Variants in PTPRG observed in about 807,000 individuals in gnomAD.
The protein encoded by PTPRG is protein tyrosine phosphatase receptor type G, also known as receptor-type tyrosine-protein phosphatase gamma.
PTPRG carries 102 observed loss-of-function variants against 165.3 expected under a neutral mutation model. The observed-to-expected ratio is 0.62, with a 90% confidence interval of 0.53 to 0.73. The LOEUF is 0.73. PTPRG is among the 30% of genes least tolerant of loss of function. The pLI, the probability that PTPRG is intolerant of heterozygous loss-of-function variation, is 0.00. For missense variants in PTPRG, 1,866 were observed against 1,861.4 expected, an observed-to-expected ratio of 1.00 and a Z score of -0.05; for synonymous variants, 675 against 669.5, an observed-to-expected ratio of 1.01 and a Z score of -0.13.
At chr3:61,875,657 G>GGC (rs934896720) in intron 2 of PTPRG, among the ~76,000 whole-genome samples, 204 of 151,816 alleles carry the variant, frequency 1.3e-3, no homozygotes, top group African/African-American at 4.4e-3. Flanking sequence ...ACACACACAC[G>GGC]GCACACACAC....
chr3:61,571,940 T>G (rs1700066598), intron 1 of PTPRG, among the ~76,000 whole-genome samples: 1 of 152,192 alleles, frequency 6.6e-6, no homozygotes, highest in African/African-American at 2.4e-5. Context: ...TCTTTCGGGT[T>G]GTTTGCCTCA....
Position 62,263,144 on chromosome 3 carries a change from T to C in PTPRG, c.2656+250T>C, listed in dbSNP as rs186564327. ...AAAGAAAATGTTTGGAGCTTCGCTATTTTCACATGAAGTGATGTCATATCA... is the reference window on the plus strand; with the variant it reads ...AAAGAAAATGTTTGGAGCTTCGCTACTTTCACATGAAGTGATGTCATATCA... On this transcript the variant is annotated intron_variant, in intron 17 of 29. Transcript: ENST00000474889. 1.6e-3 allele frequency: 618 copies of C among 387,896 alleles called. 2 individuals are homozygous for C. Among genetic ancestry groups the C allele is most frequent in the African/African-American group, 0.012 (573 of 47,812 alleles). The allele number at this position is 387,896 out of a possible 1,614,324, so 24.0% of individuals were successfully genotyped here. A position where few individuals can be genotyped will look rare whatever the true frequency, so the allele number is the denominator to read the frequency against.
At chr3:61,706,876 C>T (rs544780632) in intron 1 of PTPRG, among the ~76,000 whole-genome samples, 2 of 152,120 alleles carry the variant, frequency 1.3e-5, no homozygotes, top group African/African-American at 4.8e-5. Context: ...ATGAAACATG[C>T]TTAACCTACC....
chr3:62,170,658 GGTTT>G (rs1461999599), intron 8 of PTPRG, among the ~76,000 whole-genome samples: 3 of 152,050 alleles, frequency 2.0e-5, no homozygotes, highest in Non-Finnish European at 4.4e-5. Context: ...CATTCTACTA[GGTTT>G]GTTTGAATTA....
chr3:62,035,131 C>A (rs556118014), intron 4 of PTPRG, among the ~76,000 whole-genome samples: 2 of 152,024 alleles, frequency 1.3e-5, no homozygotes, highest in African/African-American at 4.8e-5. Context: ...ATCTGAACAC[C>A]GAGTCTCTGT....
chr3:61,565,900 TCAG>T (rs1400960588), intron 1 of PTPRG, among the ~76,000 whole-genome samples: 1 of 152,092 alleles, frequency 6.6e-6, no homozygotes, highest in Non-Finnish European at 1.5e-5. Context: ...TATTTGGAAA[TCAG>T]CAATCTTTCT....
chr3:62,043,445 A>G (rs1055186312), intron 4 of PTPRG, among the ~76,000 whole-genome samples: 1 of 152,166 alleles, frequency 6.6e-6, no homozygotes. Flanking sequence ...CTGCCTTGGG[A>G]TAATGCAATT....
chr3:62,196,369 C>T (rs1576122834), intron 10 of PTPRG, among the ~76,000 whole-genome samples: 2 of 152,096 alleles, frequency 1.3e-5, no homozygotes, highest in African/African-American at 2.4e-5. Flanking sequence ...TGCCACTGCA[C>T]TCCAGGCTGG....
chr3:62,209,255 TG>T (rs1239077730), intron 12 of PTPRG, among the ~76,000 whole-genome samples: 1 of 152,190 alleles, frequency 6.6e-6, no homozygotes, highest in Non-Finnish European at 1.5e-5. Context: ...TGGTGTCTCG[TG>T]GGTAGAGGCC....
intron 2 of PTPRG, among the ~76,000 whole-genome samples, chr3:61,886,048 G>T (rs377604200): frequency 6.6e-6 from 1 of 151,768 alleles, no homozygotes; most frequent in Non-Finnish European, 1.5e-5. Context: ...AGGACAACTC[G>T]AGCACCACCC....
intron 1 of PTPRG, among the ~76,000 whole-genome samples, chr3:61,697,999 T>C (rs2030709857): frequency 6.6e-6 from 1 of 152,202 alleles, no homozygotes; most frequent in Non-Finnish European, 1.5e-5. Flanking sequence ...CATATTCTTT[T>C]ATCCTGTAAT....
chr3:61,973,700 T>C (rs1003080851), intron 2 of PTPRG, among the ~76,000 whole-genome samples: 1 of 151,882 alleles, frequency 6.6e-6, no homozygotes, highest in African/African-American at 2.4e-5. Flanking sequence ...GGCGTGGTGG[T>C]GGGCGCCTAT....
chr3:61,582,750 C>T (rs528662271), intron 1 of PTPRG, among the ~76,000 whole-genome samples: 6 of 152,274 alleles, frequency 3.9e-5, no homozygotes, highest in African/African-American at 1.2e-4. Context: ...TAGGGAGTTT[C>T]CTCTTGTACA....
At chr3:62,034,939 C>T (rs1575918231) in intron 4 of PTPRG, among the ~76,000 whole-genome samples, 1 of 152,204 alleles carries the variant, frequency 6.6e-6, no homozygotes, top group East Asian at 1.9e-4. Context: ...GTCCGTGGCT[C>T]CTTCTTGGGG....
At chr3:61,930,667 T>C (rs77821019) in intron 2 of PTPRG, among the ~76,000 whole-genome samples, 234 of 152,336 alleles carry the variant, frequency 1.5e-3, no homozygotes, top group Non-Finnish European at 2.4e-3. Context: ...TCAAGCGTCA[T>C]TGTGGCATCC....
intron 6 of PTPRG, among the ~76,000 whole-genome samples, chr3:62,134,968 T>G (rs182583507): frequency 1.3e-5 from 2 of 152,268 alleles, no homozygotes; most frequent in East Asian, 3.9e-4. Flanking sequence ...AGAAATAGTT[T>G]TTTAAAAAAA....
Position 62,275,918 on chromosome 3 carries a change from C to A in PTPRG, c.3511C>A (p.Gln1171Lys). 2 of 1,611,776 alleles carry A rather than the reference C, an allele frequency of 1.2e-6. No homozygotes were observed. The highest frequency in any genetic ancestry group is 2.2e-5 in the South Asian group (2 of 90,762). The change falls in exon 24 of 30, where the codon CAG becomes AAG. Residue 1171 changes from glutamine (Q) to lysine (K), a missense_variant. Gln to Lys is a moderately conservative substitution (Grantham distance 53). This residue lies in a region of PTPRG where 1,452 missense variants were observed against 1,463.0 expected (regional missense o/e 0.99). Coordinates refer to ENST00000474889, the MANE Select transcript of PTPRG (RefSeq NM_002841.4). ...NAKYVECFSA[Q>K]KECNKEKNRN... is the part of the protein sequence containing the mutation. ...AAAATATGTGGAATGTTTCAGTGCTCAGAAAGAGTGTAACAAAGAAAAGAA... is the reference window on the plus strand; with the variant it reads ...AAAATATGTGGAATGTTTCAGTGCTAAGAAAGAGTGTAACAAAGAAAAGAA...
chr3:61,738,315 T>TATATAC (rs2032831463), intron 1 of PTPRG, among the ~76,000 whole-genome samples: 2 of 104,208 alleles, frequency 1.9e-5, no homozygotes, highest in South Asian at 3.4e-4. Context: ...TATATATACA[T>TATATAC]ATATATATAT....
At chr3:62,035,205 G>T (rs1329716360) in intron 4 of PTPRG, among the ~76,000 whole-genome samples, 1 of 152,228 alleles carries the variant, frequency 6.6e-6, no homozygotes, top group Non-Finnish European at 1.5e-5. Flanking sequence ...TCTTCCCCAA[G>T]TAAAAGCCAG....
Sources: allele counts gnomAD v4.1 joint callset (sites outside exome capture counted in the v4.1 genomes callset), GRCh38; gene constraint gnomAD v4.1.1; regional missense constraint gnomAD v4.1.1; transcripts MANE v1.5; gene names NCBI Gene and HGNC (gene_info 2026-07-23, HGNC 2026-07-21).